Variants in POLN observed in about 807,000 individuals in gnomAD.
POLN encodes DNA polymerase nu, also known as DNA polymerase N.
A neutral mutation model predicts 113.5 loss-of-function variants in POLN; 108 were observed. The ratio of observed to expected loss-of-function variants is 0.95; its 90% CI spans 0.81 to 1.12. The LOEUF (loss-of-function observed/expected upper bound fraction) is 1.12. POLN is among the 50% of genes most tolerant of loss of function. The pLI, the probability that POLN is intolerant of heterozygous loss-of-function variation, is 0.00. For synonymous variants in POLN, 386 were observed against 391.5 expected (o/e 0.99, Z 0.17); for missense variants, 1,097 against 1,077.1 (o/e 1.02, Z -0.26).
chr4:2,081,254 T>C (rs1435702270), intron 22 of POLN: 1 of 1,427,008 alleles, frequency 7.0e-7, no homozygotes, highest in Non-Finnish European at 9.5e-7. Context: ...TTGGGTGCCT[T>C]ACTCCTGGAG....
rs749012576 is a variant in POLN, at chr4:2,081,642, C to T, written c.2299G>A (p.Val767Met). ...AAGAGGCTTCTGGTACCTTGCACCACGAAGTTCACTGCCTGTCGCTCTGCT... is the reference window on the plus strand; with the variant it reads ...AAGAGGCTTCTGGTACCTTGCACCATGAAGTTCACTGCCTGTCGCTCTGCT... ...AQAERQAVNF[V>M]VQGSAADLCK... The change falls in exon 22 of 26, where the codon GTG (valine) becomes ATG (methionine). Residue 767 changes from valine (V) to methionine (M), a missense_variant. Transcript: ENST00000511885. 12 of 1,614,074 alleles carry T rather than the reference C, an allele frequency of 7.4e-6. No homozygotes were observed. The highest frequency in any genetic ancestry group is 5.0e-5 in the Admixed American group (3 of 60,010).
chr4:2,080,769 G>A, intron 23 of POLN, 189 bp downstream of exon 23: 1 of 1,459,452 alleles, frequency 6.9e-7, no homozygotes, highest in Non-Finnish European at 9.0e-7. Flanking sequence ...CACGCTGGTG[G>A]ATGGCTGGTT....
At chr4:2,102,609 C>T (rs3117823) in intron 19 of POLN, among the ~76,000 whole-genome samples, 110,661 of 152,148 alleles carry the variant, frequency 0.73, 44,902 homozygotes, top group Non-Finnish European at 0.9. Flanking sequence ...GGCCCAAGAA[C>T]TGGTCTGCCT....
chr4:2,186,236 C>A (rs1225700253), intron 7 of POLN, among the ~76,000 whole-genome samples: 1 of 152,170 alleles, frequency 6.6e-6, no homozygotes, highest in Non-Finnish European at 1.5e-5. Flanking sequence ...GCAGGAGACC[C>A]GTCCCTGCCA....
intron 5 of POLN, among the ~76,000 whole-genome samples, chr4:2,200,375 G>C (rs1476562195): frequency 4.6e-5 from 7 of 152,224 alleles, no homozygotes; most frequent in Admixed American, 4.6e-4. Context: ...GTGGAGGCTT[G>C]CATCGTGAAC....
intron 13 of POLN, among the ~76,000 whole-genome samples, chr4:2,166,301 G>A (rs1474457759): frequency 6.6e-6 from 1 of 152,162 alleles, no homozygotes; most frequent in African/African-American, 2.4e-5. Flanking sequence ...GCAAGGCCTT[G>A]TTCTTATTCC....
In POLN at chr4:2,179,402, G is replaced by C; in HGVS notation, c.1085C>G (p.Thr362Arg). 1 of 1,613,356 alleles carries C rather than the reference G, an allele frequency of 6.2e-7. No homozygotes were observed. ...TTCTACTAAATCTTCAAAAGAGGGT[G>C]TGGCATCACTAGGATCTATAAGCCA... ...AAWLIDPSDA[T>R]PSFEDLVEKY... is the part of the protein sequence containing the mutation. Residue 362 changes from threonine to arginine, a missense_variant, in exon 8 of 26, where the codon ACA (threonine) becomes AGA (arginine). Thr to Arg is a moderately conservative substitution (Grantham distance 71). Transcript: ENST00000511885.
intron 10 of POLN, 120 bp downstream of exon 10, chr4:2,174,571 T>C: frequency 1.2e-6 from 1 of 829,372 alleles, no homozygotes; most frequent in Non-Finnish European, 2.0e-6. Context: ...GCTTGCTACC[T>C]CTCTGGTGCC....
intron 16 of POLN, among the ~76,000 whole-genome samples, chr4:2,137,628 C>T (rs1409266977): frequency 6.6e-6 from 1 of 151,960 alleles, no homozygotes; most frequent in Admixed American, 6.6e-5. Context: ...ACTCCCGTGG[C>T]CCCCCTCACC....
At chr4:2,124,438 A>G (rs1577707301) in intron 19 of POLN, among the ~76,000 whole-genome samples, 1 of 152,110 alleles carries the variant, frequency 6.6e-6, no homozygotes. Context: ...CATCCGGCTA[A>G]TTTAAAAAAA....
At chr4:2,124,990 T>C (rs543000234) in intron 19 of POLN, among the ~76,000 whole-genome samples, 96 of 152,296 alleles carry the variant, frequency 6.3e-4, no homozygotes, top group Non-Finnish European at 1.1e-3. Context: ...AAGCAATAAA[T>C]GAGGTCTTCA....
chr4:2,148,342 T>C (rs892430702), intron 16 of POLN, among the ~76,000 whole-genome samples: 2 of 152,010 alleles, frequency 1.3e-5, no homozygotes, highest in Admixed American at 6.6e-5. Context: ...GTGGAGTCCC[T>C]GATGGAGAGG....
At chr4:2,176,802 G>A (rs1158838552) in intron 8 of POLN, among the ~76,000 whole-genome samples, 1 of 152,144 alleles carries the variant, frequency 6.6e-6, no homozygotes, top group Non-Finnish European at 1.5e-5. Context: ...GAGGCCCTGG[G>A]AGATGACAAA....
intron 19 of POLN, among the ~76,000 whole-genome samples, chr4:2,103,599 G>C (rs960613735): frequency 2.6e-5 from 4 of 152,108 alleles, no homozygotes; most frequent in African/African-American, 9.7e-5. Flanking sequence ...AATACAGGAG[G>C]CTCAGCAATC....
intron 3 of POLN, among the ~76,000 whole-genome samples, chr4:2,224,595 A>T (rs953354146): frequency 6.6e-6 from 1 of 152,180 alleles, no homozygotes; most frequent in African/African-American, 2.4e-5. Flanking sequence ...TACTATATAC[A>T]GAGTGCTATA....
chr4:2,237,918 C>T (rs1258066887), intron 2 of POLN, among the ~76,000 whole-genome samples: 1 of 151,302 alleles, frequency 6.6e-6, no homozygotes, highest in East Asian at 1.9e-4. Flanking sequence ...CTACACAATT[C>T]CAGGGGTATC....
chr4:2,150,524 A>G (rs1354496972), intron 16 of POLN, among the ~76,000 whole-genome samples: 1 of 152,096 alleles, frequency 6.6e-6, no homozygotes, highest in Admixed American at 6.5e-5. Context: ...AAGACCCAAA[A>G]TAACCTTTTT....
intron 19 of POLN, among the ~76,000 whole-genome samples, chr4:2,108,129 G>T (rs942385390): frequency 6.6e-6 from 1 of 152,144 alleles, no homozygotes; most frequent in African/African-American, 2.4e-5. Flanking sequence ...CCAGCTGAGG[G>T]TCCCTTCTCT....
intron 2 of POLN, among the ~76,000 whole-genome samples, chr4:2,236,744 T>C (rs1043999237): frequency 2.6e-5 from 4 of 151,700 alleles, no homozygotes; most frequent in African/African-American, 9.7e-5. Flanking sequence ...GCACCTATAG[T>C]CCCAGATACT....
Sources: allele counts gnomAD v4.1 joint callset (sites outside exome capture counted in the v4.1 genomes callset), GRCh38; gene constraint gnomAD v4.1.1; transcripts MANE v1.5; gene names NCBI Gene and HGNC (gene_info 2026-07-23, HGNC 2026-07-21).